Variants in ADAMTS17 observed in about 807,000 individuals in gnomAD.
The protein encoded by ADAMTS17 is ADAM metallopeptidase with thrombospondin type 1 motif 17.
In ADAMTS17, 113 loss-of-function variants were observed where a neutral mutation model predicts 141.5. The ratio of observed to expected loss-of-function variants is 0.80; its 90% CI spans 0.69 to 0.93. ADAMTS17 has a LOEUF of 0.93. Among genes scored for constraint, ADAMTS17 ranks in the 40% least tolerant of loss-of-function variants. The pLI, the probability that ADAMTS17 is intolerant of heterozygous loss-of-function variation, is 0.00. For missense variants in ADAMTS17, 1,659 were observed against 1,517.9 expected, an observed-to-expected ratio of 1.09 and a Z score of -1.54; for synonymous variants, 768 against 630.6, an observed-to-expected ratio of 1.22 and a Z score of -3.27.
chr15:100,269,547 T>G (rs4965302), intron 4 of ADAMTS17, among the ~76,000 whole-genome samples: 101,710 of 152,046 alleles, frequency 0.67, 34,490 homozygotes, highest in East Asian at 0.91. Context: ...GGCAAGGACC[T>G]TCTTCCCACC....
intron 9 of ADAMTS17, among the ~76,000 whole-genome samples, chr15:100,154,648 T>G (rs149367636): frequency 1.6e-3 from 244 of 152,264 alleles, no homozygotes; most frequent in African/African-American, 5.8e-3. Flanking sequence ...TGAAATCAGA[T>G]GGCAGATTCT....
chr15:100,047,311 C>T (rs978624208), intron 18 of ADAMTS17, among the ~76,000 whole-genome samples: 4 of 134,640 alleles, frequency 3.0e-5, no homozygotes, highest in African/African-American at 1.3e-4. Context: ...TCTCGCCCTG[C>T]CTCCATTTGC....
intron 3 of ADAMTS17, among the ~76,000 whole-genome samples, chr15:100,294,827 C>G (rs977152363): frequency 1.3e-5 from 2 of 152,208 alleles, no homozygotes; most frequent in African/African-American, 4.8e-5. Context: ...TCCGTGAAAA[C>G]CACCTATTTG....
chr15:100,119,145 C>T (rs753208348), intron 12 of ADAMTS17, among the ~76,000 whole-genome samples: 2 of 151,816 alleles, frequency 1.3e-5, no homozygotes, highest in Non-Finnish European at 2.9e-5. Context: ...GGAACAGATT[C>T]TCCCTCACAG....
chr15:100,143,610 T>C (rs2038760435), intron 10 of ADAMTS17, among the ~76,000 whole-genome samples: 1 of 152,244 alleles, frequency 6.6e-6, no homozygotes, highest in Non-Finnish European at 1.5e-5. Flanking sequence ...ATGCCAATTT[T>C]TTTTCTAGTT....
rs567632909 is a variant in ADAMTS17 at position 99,975,840 on chromosome 15, C to G, written c.3127+205G>C. On this transcript the variant is annotated intron_variant, in intron 21 of 21. Coordinates refer to ENST00000268070, the MANE Select transcript of ADAMTS17 (RefSeq NM_139057.4). Reference sequence around the variant, plus strand: ...GACGCTCAGGTGCCTGTGTTGGAGACAGCAGTAAGCAAACACCACTTCCAT... The same window carrying G: ...GACGCTCAGGTGCCTGTGTTGGAGAGAGCAGTAAGCAAACACCACTTCCAT... Among the ~76,000 whole-genome samples the G allele has an allele frequency of 4.6e-5, 7 of 151,328 alleles. No individual in the cohort carries two copies. The South Asian group carries it at 1.1e-3, about 23-fold the overall frequency.
intron 7 of ADAMTS17, among the ~76,000 whole-genome samples, chr15:100,243,053 G>A (rs1000655516): frequency 5.9e-5 from 9 of 152,338 alleles, no homozygotes; most frequent in African/African-American, 1.9e-4. Flanking sequence ...CACTTTAGGT[G>A]CCTCAAGTGA....
At chr15:100,147,901 AAG>A (rs1418421310) in intron 10 of ADAMTS17, among the ~76,000 whole-genome samples, 39 of 152,390 alleles carry the variant, frequency 2.6e-4, no homozygotes, top group Non-Finnish European at 5.1e-4. Context: ...AGCTAAAGCC[AAG>A]GTGTCAATAG....
intron 8 of ADAMTS17, among the ~76,000 whole-genome samples, chr15:100,164,708 T>C (rs1452533331): frequency 3.3e-5 from 5 of 152,060 alleles, no homozygotes. Flanking sequence ...AAAGGAAAAG[T>C]TCCCACCCCA....
intron 10 of ADAMTS17, among the ~76,000 whole-genome samples, chr15:100,151,885 C>T (rs927208261): frequency 6.6e-6 from 1 of 152,236 alleles, no homozygotes; most frequent in African/African-American, 2.4e-5. Context: ...TTGCTGTTTG[C>T]ATCATGGTGA....
chr15:100,324,632 G>A (rs959324646), intron 3 of ADAMTS17, among the ~76,000 whole-genome samples: 1 of 152,146 alleles, frequency 6.6e-6, no homozygotes, highest in South Asian at 2.1e-4. Flanking sequence ...GATTTCTTGT[G>A]GATTTGCTCA....
intron 7 of ADAMTS17, among the ~76,000 whole-genome samples, chr15:100,202,117 C>T (rs185000654): frequency 9.2e-5 from 14 of 152,302 alleles, no homozygotes; most frequent in East Asian, 1.9e-4. Flanking sequence ...GTGCCCACCA[C>T]GGGCTCTGAT....
At chr15:100,294,642 T>C (rs1567500981) in intron 3 of ADAMTS17, among the ~76,000 whole-genome samples, 1 of 151,828 alleles carries the variant, frequency 6.6e-6, no homozygotes, top group Admixed American at 6.6e-5. Flanking sequence ...CAGAGACTGA[T>C]GATGCATTGA....
At chr15:100,277,409 C>A (rs60965076) in intron 4 of ADAMTS17, among the ~76,000 whole-genome samples, 3 of 152,116 alleles carry the variant, frequency 2.0e-5, no homozygotes, top group Admixed American at 2.0e-4. Flanking sequence ...TGGGATCAAA[C>A]AGCCACCCCT....
intron 10 of ADAMTS17, among the ~76,000 whole-genome samples, chr15:100,137,644 T>C (rs146300591): frequency 1.9e-4 from 29 of 152,344 alleles, no homozygotes; most frequent in Non-Finnish European, 3.2e-4. Context: ...ATAGTTCTTA[T>C]AGCTGAGCTC....
chr15:100,266,223 G>A (rs7168602), intron 4 of ADAMTS17, among the ~76,000 whole-genome samples: 103,567 of 152,086 alleles, frequency 0.68, 35,608 homozygotes, highest in East Asian at 0.93. Context: ...ACCTGCTTCC[G>A]TCTGCAATTT....
intron 7 of ADAMTS17, among the ~76,000 whole-genome samples, chr15:100,233,054 C>T (rs1192637160): frequency 6.6e-6 from 1 of 152,170 alleles, no homozygotes; most frequent in East Asian, 1.9e-4. Context: ...AGAGGCCAGG[C>T]GCGGTGGCTC....
chr15:100,250,338 C>G (rs895357807), intron 7 of ADAMTS17, among the ~76,000 whole-genome samples: 4 of 152,192 alleles, frequency 2.6e-5, no homozygotes, highest in African/African-American at 9.7e-5. Context: ...CTACAGAACT[C>G]AAGACACAGC....
intron 18 of ADAMTS17, among the ~76,000 whole-genome samples, chr15:100,047,166 T>A (rs1458944275): frequency 6.6e-6 from 1 of 151,390 alleles, no homozygotes; most frequent in African/African-American, 2.4e-5. Flanking sequence ...CTTATTAGGA[T>A]GAGGAAATTC....
Sources: gnomAD v4.1 joint callset for allele counts (sites outside exome capture counted in the v4.1 genomes callset) on GRCh38, gnomAD v4.1.1 for gene constraint, MANE v1.5 for transcripts, NCBI Gene and HGNC (gene_info 2026-07-23, HGNC 2026-07-21) for gene names.